Variants in LRP1B observed in about 807,000 individuals in gnomAD.
LRP1B encodes LDL receptor related protein 1B, also known as low-density lipoprotein receptor-related protein 1B.
A neutral mutation model predicts 556.6 loss-of-function variants in LRP1B; 217 were observed. The observed-to-expected ratio is 0.39, with a 90% CI of 0.35 to 0.44. The LOEUF (loss-of-function observed/expected upper bound fraction) is 0.44, where lower values mean the gene tolerates loss of function less well. Among genes scored for constraint, LRP1B ranks in the 20% least tolerant of loss-of-function variants. The pLI is 1.00. For synonymous variants in LRP1B, 2,047 were observed against 1,865.8 expected, an observed-to-expected ratio of 1.10 and a Z score of -2.50; for missense variants, 5,053 against 5,620.8, an observed-to-expected ratio of 0.90 and a Z score of 3.23.
Position 141,062,197 on chromosome 2 carries a change from T to C in LRP1B, c.1090A>G (p.Ile364Val), listed in dbSNP as rs1269182146. 1 of 1,611,914 alleles carries C rather than the reference T, an allele frequency of 6.2e-7. No individual in the cohort carries two copies. Among genetic ancestry groups the C allele is most frequent in the Non-Finnish European group, 8.5e-7 (1 of 1,178,618 alleles). The change falls in exon 8 of 91, where the codon ATA becomes GTA. Residue 364 changes from isoleucine to valine, a missense_variant. Transcript: ENST00000389484. ...CDMDGMNRTRIIDSKTEQPAA... is the reference protein window; with the variant it reads ...CDMDGMNRTRVIDSKTEQPAA... The stretch of plus-strand genomic sequence containing the variant: ...GGCTGCTCTGTCTTTGAATCAATTA[T>C]CCTTGTTCGGTTCATCCCATCCATG...
intron 40 of LRP1B, 146 bp from the exon 41 acceptor site, chr2:140,700,767 A>C: frequency 1.2e-6 from 1 of 842,994 alleles, no homozygotes; most frequent in Non-Finnish European, 1.8e-6. Flanking sequence ...TAAAAAATTA[A>C]AAAAGTATTG....
chr2:141,214,729 A>T (rs2105261289), intron 6 of LRP1B, among the ~76,000 whole-genome samples: 1 of 152,318 alleles, frequency 6.6e-6, no homozygotes, highest in South Asian at 2.1e-4. Flanking sequence ...GTCCCAAAAT[A>T]AATTTATAGG....
intron 41 of LRP1B, among the ~76,000 whole-genome samples, chr2:140,689,854 T>C (rs1218397025): frequency 3.3e-5 from 5 of 152,210 alleles, no homozygotes; most frequent in Admixed American, 3.3e-4. Context: ...CTCAGGACTT[T>C]CTGATTCTGC....
At chr2:140,316,812 C>T (rs893577264) in intron 82 of LRP1B, among the ~76,000 whole-genome samples, 1 of 152,086 alleles carries the variant, frequency 6.6e-6, no homozygotes, top group Non-Finnish European at 1.5e-5. Context: ...ACCATACACA[C>T]ATATACACAA....
rs1271948079 is a variant in LRP1B, at chr2:140,342,025, C to A, written c.11893-6187G>T. Reference sequence around the variant, plus strand: ...AATCTAAAAAACCACGACGAGATCCCATCTCTCACAAGTTAGAATGGCTAT... The same window carrying A: ...AATCTAAAAAACCACGACGAGATCCAATCTCTCACAAGTTAGAATGGCTAT... On this transcript the variant is annotated intron_variant, in intron 77 of 90. Coordinates refer to ENST00000389484, the MANE Select transcript of LRP1B (RefSeq NM_018557.3). 3.3e-5 allele frequency among the ~76,000 whole-genome samples: 5 copies of A among 151,344 alleles called. No individual in the cohort carries two copies. In the East Asian group the frequency reaches 9.8e-4, roughly 30 times the overall value.
intron 2 of LRP1B, among the ~76,000 whole-genome samples, chr2:141,592,531 A>G (rs966450484): frequency 3.3e-5 from 5 of 152,196 alleles, no homozygotes; most frequent in African/African-American, 1.2e-4. Context: ...TTAGGTTTCA[A>G]TATATGAAGT....
intron 43 of LRP1B, among the ~76,000 whole-genome samples, chr2:140,595,092 ATATATATATATATATAT>A (rs1682380713): frequency 1.4e-4 from 2 of 14,406 alleles, no homozygotes; most frequent in African/African-American, 2.3e-4. Context: ...AATTGAATAT[ATATATATATATATATAT>A]ATATATATAT....
intron 1 of LRP1B, among the ~76,000 whole-genome samples, chr2:141,985,127 T>C (rs1248026670): frequency 6.6e-6 from 1 of 152,086 alleles, no homozygotes; most frequent in African/African-American, 2.4e-5. Flanking sequence ...GAGATAACGG[T>C]ATTACAAACT....
chr2:141,000,823 C>CTTTCA (rs1697397581), intron 15 of LRP1B, among the ~76,000 whole-genome samples: 1 of 151,968 alleles, frequency 6.6e-6, no homozygotes, highest in East Asian at 1.9e-4. Context: ...TCCCAGCTCA[C>CTTTCA]TTTCATATTG....
chr2:140,877,518 T>C (rs1693347699), intron 25 of LRP1B, among the ~76,000 whole-genome samples: 1 of 152,152 alleles, frequency 6.6e-6, no homozygotes, highest in Admixed American at 6.5e-5. Flanking sequence ...AAATAAATAT[T>C]GAGGCCCCCA....
At chr2:141,051,538 T>G (rs1441964374) in intron 10 of LRP1B, among the ~76,000 whole-genome samples, 1 of 151,910 alleles carries the variant, frequency 6.6e-6, no homozygotes, top group African/African-American at 2.4e-5. Context: ...TGATAACATA[T>G]TTTAATATAT....
At chr2:140,830,296 C>T (rs912862176) in intron 31 of LRP1B, among the ~76,000 whole-genome samples, 8 of 151,858 alleles carry the variant, frequency 5.3e-5, no homozygotes, top group African/African-American at 1.9e-4. Context: ...AAACCAAAGA[C>T]ATGACAAAAA....
chr2:141,651,779 TTAACG>T (rs1689802661), intron 2 of LRP1B, among the ~76,000 whole-genome samples: 1 of 152,236 alleles, frequency 6.6e-6, no homozygotes, highest in African/African-American at 2.4e-5. Context: ...TATGATAATC[TTAACG>T]TAACTGAAGT....
chr2:140,401,222 G>A (rs964526992), intron 66 of LRP1B, among the ~76,000 whole-genome samples: 1 of 152,146 alleles, frequency 6.6e-6, no homozygotes. Context: ...GAGTGACATG[G>A]TCTGAAAGCC....
At chr2:140,944,753 A>G (rs1695494455) in intron 20 of LRP1B, among the ~76,000 whole-genome samples, 1 of 152,140 alleles carries the variant, frequency 6.6e-6, no homozygotes, top group Non-Finnish European at 1.5e-5. Flanking sequence ...CAACAAAGGA[A>G]TATTTGTGAA....
At chr2:140,884,251 T>C (rs1693564882) in intron 24 of LRP1B, among the ~76,000 whole-genome samples, 1 of 152,072 alleles carries the variant, frequency 6.6e-6, no homozygotes, top group African/African-American at 2.4e-5. Context: ...TTGGTATCAG[T>C]GGAATAAAGT....
chr2:140,855,464 G>A (rs556147464), intron 27 of LRP1B, among the ~76,000 whole-genome samples: 3 of 114,882 alleles, frequency 2.6e-5, no homozygotes, highest in African/African-American at 9.5e-5. Context: ...ACCAGCCTAG[G>A]CAAGACAGGT....
chr2:140,262,446 A>G (rs1017232087), intron 86 of LRP1B, among the ~76,000 whole-genome samples: 3 of 152,134 alleles, frequency 2.0e-5, no homozygotes, highest in Non-Finnish European at 4.4e-5. Context: ...AGGTTTGGAG[A>G]GGCTAATAGG....
chr2:141,303,761 T>G (rs1256788159), intron 3 of LRP1B, among the ~76,000 whole-genome samples: 1 of 152,168 alleles, frequency 6.6e-6, no homozygotes, highest in Non-Finnish European at 1.5e-5. Flanking sequence ...TGTATTGATT[T>G]CTTTTCCTTT....
Sources: gnomAD v4.1 joint callset for allele counts (sites outside exome capture counted in the v4.1 genomes callset) on GRCh38, gnomAD v4.1.1 for gene constraint, MANE v1.5 for transcripts, NCBI Gene and HGNC (gene_info 2026-07-23, HGNC 2026-07-21) for gene names.